DDC: variants seen among roughly 807,000 people sequenced by gnomAD.
DDC encodes the protein aromatic-L-amino-acid decarboxylase.
Under a neutral mutation model 60.0 loss-of-function variants are expected in DDC, and 43 were observed. That is an observed-to-expected ratio of 0.72 (90% CI 0.56 to 0.92). The LOEUF is 0.92. Among genes scored for constraint, DDC ranks in the 40% least tolerant of loss-of-function variants. The pLI, the probability that DDC is intolerant of heterozygous loss-of-function variation, is 0.00. For synonymous variants in DDC, 232 were observed against 234.6 expected (o/e 0.99, Z 0.10); for missense variants, 573 against 620.2 (o/e 0.92, Z 0.81).
chr7:50,532,600 A>T (rs2044252900), intron 4 of DDC, among the ~76,000 whole-genome samples: 1 of 152,254 alleles, frequency 6.6e-6, no homozygotes, highest in South Asian at 2.1e-4. Flanking sequence ...TCCATAATCC[A>T]ATCAATCTTC....
At chr7:50,459,289 A>C (rs1357483695) in intron 14 of DDC, among the ~76,000 whole-genome samples, 2,972 of 151,530 alleles carry the variant, frequency 0.02, 109 homozygotes, top group African/African-American at 0.067. Flanking sequence ...AGTGCAGTGG[A>C]GTGATCTCGG....
chr7:50,558,503 T>G (rs1406122516), intron 1 of DDC, among the ~76,000 whole-genome samples: 1 of 152,190 alleles, frequency 6.6e-6, no homozygotes, highest in East Asian at 1.9e-4. Flanking sequence ...GAGAATCTGT[T>G]GAACTTTGGT....
At chr7:50,539,865 G>T in intron 3 of DDC, 50 bp downstream of exon 3, 1 of 1,445,614 alleles carries the variant, frequency 6.9e-7, no homozygotes. Context: ...CCCCACCCCG[G>T]GATCCCACCA....
chr7:50,463,022 C>A (rs1028912386), intron 14 of DDC, among the ~76,000 whole-genome samples, 191 bp downstream of exon 14: 20 of 152,202 alleles, frequency 1.3e-4, no homozygotes, highest in African/African-American at 4.6e-4. Context: ...CCCACCCTGG[C>A]CTCCCAAAGT....
At chr7:50,515,048 AC>A (rs947736004) in intron 6 of DDC, among the ~76,000 whole-genome samples, 1 of 152,218 alleles carries the variant, frequency 6.6e-6, no homozygotes, top group Non-Finnish European at 1.5e-5. Context: ...CCATCCAAAT[AC>A]AAGAAGCACA....
intron 4 of DDC, among the ~76,000 whole-genome samples, chr7:50,536,064 A>G (rs1467850663): frequency 6.6e-6 from 1 of 152,186 alleles, no homozygotes; most frequent in Non-Finnish European, 1.5e-5. Flanking sequence ...TTCCTAAAAG[A>G]GATAGCTACT....
chr7:50,497,397 A>G (rs2043149753), intron 8 of DDC, among the ~76,000 whole-genome samples: 1 of 152,236 alleles, frequency 6.6e-6, no homozygotes, highest in East Asian at 1.9e-4. Context: ...AAAGAAGAGC[A>G]GTGGTAGGAA....
At chr7:50,541,581 C>T (rs2044633477) in intron 2 of DDC, among the ~76,000 whole-genome samples, 1 of 152,190 alleles carries the variant, frequency 6.6e-6, no homozygotes, top group Non-Finnish European at 1.5e-5. Context: ...GAGCTGGCTA[C>T]CTCTTGGTTA....
chr7:50,562,202 G>A (rs771540988), intron 1 of DDC, among the ~76,000 whole-genome samples: 29 of 152,240 alleles, frequency 1.9e-4, no homozygotes, highest in Admixed American at 4.6e-4. Context: ...TGCCATGAGT[G>A]CAGGGGCTGC....
chr7:50,530,900 C>T (rs2044183507), intron 4 of DDC, among the ~76,000 whole-genome samples: 1 of 152,150 alleles, frequency 6.6e-6, no homozygotes, highest in South Asian at 2.1e-4. Flanking sequence ...ATTTGATGCT[C>T]TCTTCATTGA....
chr7:50,529,351 A>T lies in DDC; in HGVS notation c.436-9T>A. The T allele has an allele frequency of 6.2e-7, 1 of 1,614,156 alleles. No homozygotes were observed. Among genetic ancestry groups the T allele is most frequent in the Non-Finnish European group, 8.5e-7 (1 of 1,180,012 alleles). ...GCTTCACTGGCACTTCCCTAAATTC[A>T]AGAGAAGGTCCAAATGAAATCCCAA... is the stretch of plus-strand genomic sequence containing the variant. On this transcript the variant is annotated splice_polypyrimidine_tract_variant and intron_variant, in intron 4 of 14. Coordinates refer to ENST00000444124, the MANE Select transcript of DDC (RefSeq NM_001082971.2).
intron 6 of DDC, 40 bp from the exon 7 acceptor site, chr7:50,504,099 G>T: frequency 3.5e-6 from 5 of 1,429,210 alleles, no homozygotes; most frequent in Non-Finnish European, 4.9e-6. Flanking sequence ...TTCCCCAGGT[G>T]CCAGTCACCG....
rs6263 is a variant in DDC, at chr7:50,528,202, T to C, written c.649A>G (p.Met217Val). 0.022 allele frequency: 36,301 copies of C among 1,614,074 alleles called. 590 individuals carry two copies. The highest frequency in any genetic ancestry group is 0.074 in the East Asian group (3,313 of 44,876). The change falls in exon 6 of 15, where the codon ATG becomes GTG. Residue 217 changes from methionine (M) to valine (V), a missense_variant. Physicochemically the swap from Met to Val is conservative, Grantham distance 21. Transcript: ENST00000444124. ...KAIPSDGNFA[M>V]RASALQEALE... ...GCTTCCTGCAGGGCAGACGCACGCA[T>C]GGCGAAGTTGCCATCTGAGGGGATG...
At chr7:50,556,802 G>C (rs896806501) in intron 1 of DDC, among the ~76,000 whole-genome samples, 1 of 152,142 alleles carries the variant, frequency 6.6e-6, no homozygotes, top group African/African-American at 2.4e-5. Flanking sequence ...CAATCAAGTG[G>C]AGCTAAGCTT....
At position 50,503,987 on chromosome 7, in the gene DDC, A is replaced by G. The variant is rs1308904350; in HGVS notation, c.781+6T>C. On this transcript the variant is annotated splice_donor_region_variant and intron_variant, in intron 7 of 14. Coordinates refer to ENST00000444124, the MANE Select transcript of DDC (RefSeq NM_001082971.2). Reference sequence around the variant, plus strand: ...TTCCAAAAAGAAAATGGAATCGGATACTTACAGATAGGACCGACTTCTAAG... The same window carrying G: ...TTCCAAAAAGAAAATGGAATCGGATGCTTACAGATAGGACCGACTTCTAAG... The G allele has an allele frequency of 1.2e-6, 2 of 1,608,034 alleles. No homozygotes were observed. The highest frequency in any genetic ancestry group is 2.7e-5 in the African/African-American group (2 of 74,816).
intron 14 of DDC, among the ~76,000 whole-genome samples, chr7:50,462,833 G>A (rs540080863): frequency 8.5e-5 from 12 of 141,052 alleles, no homozygotes; most frequent in African/African-American, 2.2e-4. Flanking sequence ...GCAGTGGCGC[G>A]ATCTCGGCTC....
At chr7:50,482,115 T>C (rs1308379812) in intron 9 of DDC, among the ~76,000 whole-genome samples, 1 of 152,168 alleles carries the variant, frequency 6.6e-6, no homozygotes, top group African/African-American at 2.4e-5. Flanking sequence ...AGGTGAGCTA[T>C]GTTAAGGTTG....
chr7:50,480,288 T>C (rs914262407), intron 9 of DDC, among the ~76,000 whole-genome samples: 1 of 152,176 alleles, frequency 6.6e-6, no homozygotes, highest in Non-Finnish European at 1.5e-5. Flanking sequence ...AGCTCTGGGT[T>C]GGTAAATGCT....
chr7:50,547,953 C>T (rs1315712920), intron 1 of DDC, among the ~76,000 whole-genome samples: 1 of 152,228 alleles, frequency 6.6e-6, no homozygotes, highest in East Asian at 1.9e-4. Context: ...CATGTGCTCA[C>T]TCAATGACTC....
Sources: allele counts gnomAD v4.1 joint callset (sites outside exome capture counted in the v4.1 genomes callset), GRCh38; gene constraint gnomAD v4.1.1; transcripts MANE v1.5; gene names NCBI Gene and HGNC (gene_info 2026-07-23, HGNC 2026-07-21).